EVC: variants seen among roughly 807,000 people sequenced by gnomAD.
EVC encodes evC complex member EVC.
EVC carries 116 observed loss-of-function variants against 118.9 expected under a neutral mutation model. That is an observed-to-expected ratio of 0.98 (90% CI 0.84 to 1.14). The LOEUF (loss-of-function observed/expected upper bound fraction) is 1.14, where lower values mean the gene tolerates loss of function less well. EVC is among the 50% of genes most tolerant of loss of function. EVC has a pLI of 0.00. For synonymous variants in EVC, 619 were observed against 534.7 expected (o/e 1.16, Z -2.18); for missense variants, 1,401 against 1,246.4 (o/e 1.12, Z -1.87).
rs1731151661 is a variant in EVC, at chr4:5,756,239, G to T, written c.1465-25G>T. ...AAAAAAACCCTGCATGTTTCTACCAGACTCAGCTCTTGTTTTCCTCACAGG... is the reference window on the plus strand; with the variant it reads ...AAAAAAACCCTGCATGTTTCTACCATACTCAGCTCTTGTTTTCCTCACAGG... On this transcript the variant is annotated intron_variant, in intron 10 of 20. Transcript: ENST00000264956. This position sits in a 1 kb window ranked among gnomAD's most constrained non-coding sequence, Gnocchi z 4.2. 7 of 1,546,656 alleles carry T rather than the reference G, an allele frequency of 4.5e-6. No homozygotes were observed. The highest frequency in any genetic ancestry group is 6.2e-6 in the Non-Finnish European group (7 of 1,124,890).
At chr4:5,821,817 G>A in the EVC span, 24 of 1,609,964 alleles carry the variant, frequency 1.5e-5, no homozygotes, top group Admixed American at 3.3e-5. The surrounding 1 kb of genome is among the most constrained non-coding windows in gnomAD (Gnocchi z 4.4). Flanking sequence ...TGCGGTGGCC[G>A]GTGCGCCTGG....
At chr4:5,824,210 G>A in the EVC span, 3 of 785,962 alleles carry the variant, frequency 3.8e-6, no homozygotes, top group Non-Finnish European at 4.6e-6. Context: ...CTCCTTGAGA[G>A]CTTGTGTCTT....
rs1178398480 is a variant in EVC, at chr4:5,813,464, T to TC, written c.*2431dup. On this transcript the variant is annotated 3_prime_UTR_variant, in exon 21 of 21. Transcript: ENST00000264956. ...ACCTCATCGTCCACCTGCCTCGGCC[T>TC]CCCCAAAGTGCTGAGATTAGGCGTT... The TC allele has an allele frequency of 6.6e-6, 1 of 152,110 alleles. No individual in the cohort carries two copies. Among genetic ancestry groups the TC allele is most frequent in the Non-Finnish European group, 1.5e-5 (1 of 68,030 alleles). The allele number at this position is 152,110 out of a possible 1,614,324, so 9.4% of individuals were successfully genotyped here. A position where few individuals can be genotyped will look rare whatever the true frequency, so the allele number is the denominator to read the frequency against.
chr4:5,793,467 G>A (rs897372748), intron 12 of EVC, 141 bp from the exon 13 acceptor site: 41 of 783,714 alleles, frequency 5.2e-5, no homozygotes, highest in Non-Finnish European at 8.0e-5. Context: ...AAATACAAGA[G>A]AAAATGTTAA....
chr4:5,768,100 G>A (rs4688960), intron 11 of EVC, among the ~76,000 whole-genome samples: 43,080 of 152,094 alleles, frequency 0.28, 7,226 homozygotes, highest in Admixed American at 0.42. Context: ...AGTGAGGCCA[G>A]TGTAAGGGCA....
rs1717039482 is a variant in EVC, at chr4:5,812,268, C to A, written c.*1231C>A. The stretch of plus-strand genomic sequence containing the variant: ...AAACTTCCAGACCAGCCCCTCACAC[C>A]ACAGCCAGGAGAGGCCTTTCCCACC... On this transcript the variant is annotated 3_prime_UTR_variant, in exon 21 of 21. Transcript: ENST00000264956. 6.0e-6 allele frequency: 1 copy of A among 166,202 alleles called. No individual in the cohort carries two copies. Among genetic ancestry groups the A allele is most frequent in the Non-Finnish European group, 1.3e-5 (1 of 79,468 alleles). 10.3% of individuals were successfully genotyped at this position (166,202 alleles called of 1,614,324 possible).
chr4:5,805,359 C>T (rs1409719936), intron 17 of EVC, among the ~76,000 whole-genome samples: 4 of 152,232 alleles, frequency 2.6e-5, no homozygotes, highest in Admixed American at 2.6e-4. Context: ...AGGCTTGGCT[C>T]TCCTGGCTTC....
At chr4:5,821,680 G>A in the EVC span, 1 of 1,349,334 alleles carries the variant, frequency 7.4e-7, no homozygotes, top group Non-Finnish European at 1.0e-6. The surrounding 1 kb of genome is among the most constrained non-coding windows in gnomAD (Gnocchi z 4.4). Context: ...CTAAAACTGT[G>A]GGTTTCAAAA....
chr4:5,774,459 C>G (rs541013793), intron 11 of EVC, among the ~76,000 whole-genome samples: 41 of 152,012 alleles, frequency 2.7e-4, no homozygotes, highest in African/African-American at 9.7e-4. Flanking sequence ...CCTTTCTAAT[C>G]CTCATAATCA....
chr4:5,806,403 T>C lies in EVC; in HGVS notation c.2561+1562T>C, dbSNP rs527905730. Reference sequence around the variant, plus strand: ...CCTGTCATTCTACTCGCTGTGTCCATGTGCACACATTATTGAGCTCCCACT... The same window carrying C: ...CCTGTCATTCTACTCGCTGTGTCCACGTGCACACATTATTGAGCTCCCACT... On this transcript the variant is annotated intron_variant, in intron 17 of 20. Transcript: ENST00000264956. Among the ~76,000 whole-genome samples the C allele has an allele frequency of 1.5e-4, 23 of 152,308 alleles. No individual in the cohort carries two copies. The South Asian group carries it at 4.6e-3, about 30-fold the overall frequency.
In EVC at chr4:5,748,136, C is replaced by G. The variant is rs200707006; in HGVS notation, c.940-12C>G. The G allele has an allele frequency of 9.4e-5, 151 of 1,614,152 alleles. No individual in the cohort carries two copies. In the East Asian group the frequency reaches 2.1e-3, roughly 23 times the overall value. ...TTCACCTCACTTCTTGCTGCTTGTGCTCATTTCACAGATGGAAGCTTTCTG... is the reference window on the plus strand; with the variant it reads ...TTCACCTCACTTCTTGCTGCTTGTGGTCATTTCACAGATGGAAGCTTTCTG... On this transcript the variant is annotated splice_polypyrimidine_tract_variant and intron_variant, in intron 7 of 20. Coordinates refer to ENST00000264956, the MANE Select transcript of EVC (RefSeq NM_153717.3).
At chr4:5,807,461 G>T (rs954839793) in intron 17 of EVC, among the ~76,000 whole-genome samples, 1 of 152,206 alleles carries the variant, frequency 6.6e-6, no homozygotes, top group African/African-American at 2.4e-5. Flanking sequence ...TTCAGGTCTA[G>T]AAATTCGACC....
At chr4:5,767,959 C>G (rs1011322568) in intron 11 of EVC, among the ~76,000 whole-genome samples, 1 of 152,214 alleles carries the variant, frequency 6.6e-6, no homozygotes, top group Non-Finnish European at 1.5e-5. Context: ...ACTTTTCTTC[C>G]TCAGTCTGCT....
chr4:5,788,320 C>T (rs1236769915), intron 12 of EVC, among the ~76,000 whole-genome samples: 1 of 152,166 alleles, frequency 6.6e-6, no homozygotes, highest in Non-Finnish European at 1.5e-5. Context: ...GGAGTCTCAT[C>T]AGAAGGCTTC....
intron 2 of EVC, among the ~76,000 whole-genome samples, chr4:5,727,023 A>G (rs1490276584): frequency 6.6e-6 from 1 of 152,146 alleles, no homozygotes; most frequent in Non-Finnish European, 1.5e-5. Context: ...ATAGTGCCGC[A>G]ATAAATATAC....
intron 8 of EVC, among the ~76,000 whole-genome samples, chr4:5,750,122 G>A (rs1730129083): frequency 6.6e-6 from 1 of 152,084 alleles, no homozygotes; most frequent in African/African-American, 2.4e-5. Context: ...CAGATAAGGA[G>A]CCCACTCAGT....
the EVC span, chr4:5,828,713 C>A: frequency 6.3e-7 from 1 of 1,599,014 alleles, no homozygotes; most frequent in Non-Finnish European, 8.6e-7. Context: ...TTGCTCTGCC[C>A]CAAACGAGCT....
At position 5,811,489 on chromosome 4, in the gene EVC, G is replaced by A. The variant is rs1199682653; in HGVS notation, c.*452G>A. ...ACACTTAGAATATGAGGAAGAGGGT[G>A]TGGCCCAACCCTCACTTCACCTGGG... On this transcript the variant is annotated 3_prime_UTR_variant, in exon 21 of 21. Transcript: ENST00000264956. 1 of 219,630 alleles carries A rather than the reference G, an allele frequency of 4.6e-6. No individual in the cohort carries two copies. The highest frequency in any genetic ancestry group is 9.1e-6 in the Non-Finnish European group (1 of 110,026). The allele number at this position is 219,630 out of a possible 1,614,324, so 13.6% of individuals were successfully genotyped here. A position where few individuals can be genotyped will look rare whatever the true frequency, so the allele number is the denominator to read the frequency against.
In EVC at chr4:5,751,364, A is replaced by G. The variant is rs1368290972; in HGVS notation, c.1099-1472A>G. 2.0e-5 allele frequency among the ~76,000 whole-genome samples: 3 copies of G among 152,226 alleles called. No homozygotes were observed. In the South Asian group the frequency reaches 6.2e-4, roughly 32 times the overall value. The stretch of plus-strand genomic sequence containing the variant: ...TCCATCCTCCCTCCAATATAAGCAC[A>G]TCGATTGCACCACCACTGCCGAATC... On this transcript the variant is annotated intron_variant, in intron 8 of 20. Transcript: ENST00000264956.
Sources: allele counts gnomAD v4.1 joint callset (sites outside exome capture counted in the v4.1 genomes callset), GRCh38; gene constraint gnomAD v4.1.1; non-coding constraint Gnocchi (gnomAD v3.1); transcripts MANE v1.5; gene names NCBI Gene and HGNC (gene_info 2026-07-23, HGNC 2026-07-21).